EYA1: variants seen among roughly 807,000 people sequenced by gnomAD.
The protein encoded by EYA1 is protein phosphatase EYA1.
Under a neutral mutation model 82.0 loss-of-function variants are expected in EYA1, and 16 were observed. The ratio of observed to expected loss-of-function variants is 0.20; its 90% CI spans 0.13 to 0.30. The LOEUF (loss-of-function observed/expected upper bound fraction) is 0.30. Ranked by LOEUF, EYA1 falls within the 10% of genes least tolerant of loss-of-function variation. The probability of loss-of-function intolerance (pLI) is 1.00; values close to 1 mark genes in which losing one functional copy is unlikely to be tolerated. For synonymous variants in EYA1, 261 were observed against 264.4 expected, an observed-to-expected ratio of 0.99 and a Z score of 0.12; for missense variants, 633 against 730.7, an observed-to-expected ratio of 0.87 and a Z score of 1.54.
chr8:71,494,962 A>G lies in EYA1; in HGVS notation c.33+40782T>C, dbSNP rs569285446. On this transcript the variant is annotated intron_variant, in intron 2 of 18. Transcript: ENST00000643681. ...TAAGCAATATAGTATTTACAAACATAGCAATAGTGGACTCCTAAGTAGTTT... is the reference window on the plus strand; with the variant it reads ...TAAGCAATATAGTATTTACAAACATGGCAATAGTGGACTCCTAAGTAGTTT... 5.9e-5 allele frequency among the ~76,000 whole-genome samples: 9 copies of G among 152,246 alleles called. No homozygotes were observed. The East Asian group carries it at 1.4e-3, about 23-fold the overall frequency.
At chr8:71,493,806 G>T (rs1270267529) in intron 2 of EYA1, among the ~76,000 whole-genome samples, 1 of 150,222 alleles carries the variant, frequency 6.7e-6, no homozygotes, top group Non-Finnish European at 1.5e-5. Flanking sequence ...GGCGGATCAC[G>T]AGGTCAGGAG....
At position 71,249,165 on chromosome 8, in the gene EYA1, C is replaced by T. The variant is rs112888349; in HGVS notation, c.1051-4473G>A. 5.4e-3 allele frequency among the ~76,000 whole-genome samples: 828 copies of T among 152,172 alleles called. 7 individuals are homozygous for T. Among genetic ancestry groups the T allele is most frequent in the African/African-American group, 0.019 (782 of 41,494 alleles). On this transcript the variant is annotated intron_variant, in intron 11 of 17. Transcript: ENST00000340726. The stretch of plus-strand genomic sequence containing the variant: ...GGCCTTTCTGTGGCATATGCCACTG[C>T]TGTTTACTCTCTTCTTGACATTTCT...
chr8:71,532,541 T>C (rs1420438338), intron 2 of EYA1, among the ~76,000 whole-genome samples: 1 of 152,230 alleles, frequency 6.6e-6, no homozygotes, highest in African/African-American at 2.4e-5. Flanking sequence ...CATAATATTA[T>C]ACTAATAATA....
chr8:71,364,784 G>T (rs1416038237), upstream of EYA1, among the ~76,000 whole-genome samples: 1 of 151,498 alleles, frequency 6.6e-6, no homozygotes, highest in Non-Finnish European at 1.5e-5. Flanking sequence ...CAAGGAGACA[G>T]TTGATCTTTC....
At chr8:71,386,985 T>C in intron 2 of EYA1, among the ~76,000 whole-genome samples, 1 of 152,218 alleles carries the variant, frequency 6.6e-6, no homozygotes, top group East Asian at 1.9e-4. Flanking sequence ...ATTAGCCATG[T>C]CAATAAACAT....
intron 2 of EYA1, chr8:71,470,784 C>G (rs997549163): frequency 9.1e-6 from 4 of 439,300 alleles, no homozygotes; most frequent in Non-Finnish European, 1.8e-5. Flanking sequence ...CACTGTGTGG[C>G]TAAAAGATGT....
At chr8:71,516,833 C>T (rs933111717) in intron 2 of EYA1, among the ~76,000 whole-genome samples, 1 of 152,132 alleles carries the variant, frequency 6.6e-6, no homozygotes. Context: ...AGTCAAACTT[C>T]TAGAAAAGGT....
At chr8:71,538,811 T>C (rs1814916101) in intron 1 of EYA1, among the ~76,000 whole-genome samples, 1 of 152,006 alleles carries the variant, frequency 6.6e-6, no homozygotes, top group Admixed American at 6.5e-5. Context: ...TTTGGGGAGA[T>C]GTGTGGAGTA....
intron 1 of EYA1, among the ~76,000 whole-genome samples, chr8:71,358,444 ATTAT>A (rs1827096087): frequency 6.6e-6 from 1 of 152,126 alleles, no homozygotes. Context: ...TGTCTCAGGG[ATTAT>A]TTAAACCATG....
At chr8:71,329,955 G>A (rs751587670) in intron 4 of EYA1, among the ~76,000 whole-genome samples, 4 of 152,184 alleles carry the variant, frequency 2.6e-5, no homozygotes, top group Non-Finnish European at 4.4e-5. Context: ...GGTGGGCCTC[G>A]ATGAGGTGAG....
intron 11 of EYA1, among the ~76,000 whole-genome samples, chr8:71,268,850 G>T (rs1387888082): frequency 6.6e-6 from 1 of 152,110 alleles, no homozygotes; most frequent in Non-Finnish European, 1.5e-5. Context: ...ATAACAGTAT[G>T]TGCATTTTAA....
At chr8:71,471,473 A>T (rs2129201298) in intron 2 of EYA1, among the ~76,000 whole-genome samples, 1 of 152,178 alleles carries the variant, frequency 6.6e-6, no homozygotes, top group East Asian at 1.9e-4. Flanking sequence ...ATATGTGTTC[A>T]TATCTATACC....
chr8:71,528,944 G>A (rs1814033498), intron 2 of EYA1, among the ~76,000 whole-genome samples: 1 of 152,188 alleles, frequency 6.6e-6, no homozygotes, highest in Non-Finnish European at 1.5e-5. Context: ...CCAAAAAGAT[G>A]TTTCACTGGC....
At chr8:71,465,814 T>C (rs1384013869) in intron 2 of EYA1, among the ~76,000 whole-genome samples, 1 of 152,188 alleles carries the variant, frequency 6.6e-6, no homozygotes, top group Non-Finnish European at 1.5e-5. Flanking sequence ...TGAAAAGTTT[T>C]TTGAAATCAG....
chr8:71,243,067 T>G (rs1027811091), intron 12 of EYA1, among the ~76,000 whole-genome samples: 9 of 152,188 alleles, frequency 5.9e-5, no homozygotes, highest in Admixed American at 3.9e-4. Flanking sequence ...CATGAGCCAC[T>G]GCGCCCAGCC....
At chr8:71,355,203 T>C (rs1435274808) in intron 2 of EYA1, among the ~76,000 whole-genome samples, 3 of 152,206 alleles carry the variant, frequency 2.0e-5, no homozygotes, top group Non-Finnish European at 2.9e-5. Flanking sequence ...GACAATGACA[T>C]CTATTATAAT....
At chr8:71,440,606 A>G (rs1361675082) in intron 2 of EYA1, among the ~76,000 whole-genome samples, 4 of 152,150 alleles carry the variant, frequency 2.6e-5, no homozygotes, top group African/African-American at 4.8e-5. Flanking sequence ...TCAGGTTCAG[A>G]ACTACTGGGA....
intron 12 of EYA1, among the ~76,000 whole-genome samples, chr8:71,243,321 A>G (rs375832945): frequency 1.8e-4 from 27 of 152,294 alleles, no homozygotes; most frequent in African/African-American, 6.5e-4. Flanking sequence ...ACAATTATCA[A>G]TCAGAAACAG....
chr8:71,363,235 C>T (rs1403398968), upstream of EYA1, among the ~76,000 whole-genome samples: 1 of 152,040 alleles, frequency 6.6e-6, no homozygotes. Flanking sequence ...CTTTATAATA[C>T]ATTTCCAGAT....
Sources: gnomAD v4.1 joint callset for allele counts (sites outside exome capture counted in the v4.1 genomes callset) on GRCh38, gnomAD v4.1.1 for gene constraint, MANE v1.5 for transcripts, NCBI Gene and HGNC (gene_info 2026-07-23, HGNC 2026-07-21) for gene names.